The following ITGBL1 variants were observed in gnomAD, a reference collection of about 807,000 sequenced individuals.
ITGBL1 encodes the protein integrin subunit beta like 1, also known as integrin beta-like protein 1.
A neutral mutation model predicts 68.5 loss-of-function variants in ITGBL1; 51 were observed. The ratio of observed to expected loss-of-function variants is 0.74; its 90% CI spans 0.59 to 0.94. The LOEUF is 0.94. Ranked by LOEUF, ITGBL1 falls within the 40% of genes least tolerant of loss-of-function variation. ITGBL1 has a pLI of 0.00. For synonymous variants in ITGBL1, 209 were observed against 227.3 expected (o/e 0.92, Z 0.72); for missense variants, 649 against 647.4 (o/e 1.00, Z -0.03).
At chr13:101,543,912 T>A (rs2049763628) in intron 2 of ITGBL1, among the ~76,000 whole-genome samples, 1 of 152,220 alleles carries the variant, frequency 6.6e-6, no homozygotes, top group African/African-American at 2.4e-5. Context: ...ATCGGGTCCT[T>A]TAAGGACTTC....
chr13:101,454,412 C>CGG (rs2048212841), intron 2 of ITGBL1, among the ~76,000 whole-genome samples: 1 of 119,832 alleles, frequency 8.3e-6, no homozygotes, highest in Admixed American at 8.2e-5. Context: ...CCCCCCCCCC[C>CGG]CCCAACTCCT....
At chr13:101,589,222 T>G (rs2050610070) in intron 6 of ITGBL1, among the ~76,000 whole-genome samples, 1 of 152,238 alleles carries the variant, frequency 6.6e-6, no homozygotes, top group African/African-American at 2.4e-5. Flanking sequence ...CTATTTTTAT[T>G]ATGGTAGGCT....
chr13:101,537,926 T>C (rs1174918665), intron 2 of ITGBL1, among the ~76,000 whole-genome samples: 1 of 152,064 alleles, frequency 6.6e-6, no homozygotes, highest in Non-Finnish European at 1.5e-5. Flanking sequence ...CTGTTAATCC[T>C]ATGTCAAACT....
intron 2 of ITGBL1, among the ~76,000 whole-genome samples, chr13:101,501,686 G>T (rs2048945224): frequency 6.6e-6 from 1 of 152,034 alleles, no homozygotes; most frequent in South Asian, 2.1e-4. Flanking sequence ...GATCTGTAAG[G>T]GCTACATGAC....
intron 7 of ITGBL1, among the ~76,000 whole-genome samples, chr13:101,631,028 C>T (rs1448474219): frequency 6.6e-6 from 1 of 152,186 alleles, no homozygotes; most frequent in Non-Finnish European, 1.5e-5. Context: ...GTTGATCACT[C>T]TGTCCTCTTC....
chr13:101,540,679 T>C (rs1238648162), intron 2 of ITGBL1, among the ~76,000 whole-genome samples: 4 of 152,188 alleles, frequency 2.6e-5, no homozygotes, highest in Non-Finnish European at 4.4e-5. Flanking sequence ...ATTCTTCCTG[T>C]CCATGAGCAT....
At chr13:101,627,672 GT>G (rs1219854866) in intron 7 of ITGBL1, among the ~76,000 whole-genome samples, 1 of 152,032 alleles carries the variant, frequency 6.6e-6, no homozygotes, top group Non-Finnish European at 1.5e-5. Flanking sequence ...TGTCACCATA[GT>G]TTTGCATTTT....
At chr13:101,489,974 T>C (rs897933538) in intron 2 of ITGBL1, 3 of 1,509,638 alleles carry the variant, frequency 2.0e-6, no homozygotes, top group African/African-American at 2.8e-5. Flanking sequence ...ATGAACTTAG[T>C]TGCAGTGATG....
chr13:101,552,535 A>G (rs1006891324), intron 2 of ITGBL1, among the ~76,000 whole-genome samples: 2 of 152,170 alleles, frequency 1.3e-5, no homozygotes, highest in African/African-American at 4.8e-5. Flanking sequence ...CTTGCCTTCA[A>G]GTCCTTCTAT....
At chr13:101,494,984 A>G (rs1021797522) in intron 2 of ITGBL1, among the ~76,000 whole-genome samples, 1 of 152,188 alleles carries the variant, frequency 6.6e-6, no homozygotes, top group Admixed American at 6.5e-5. Context: ...ACCAAGAGTG[A>G]TGGGGATTAT....
At chr13:101,715,210 G>A in intron 10 of ITGBL1, 1 of 200,816 alleles carries the variant, frequency 5.0e-6, no homozygotes, top group African/African-American at 2.3e-5. Context: ...TACTTGGCCT[G>A]CCTCATGTTA....
At chr13:101,621,842 G>A (rs543842540) in intron 7 of ITGBL1, among the ~76,000 whole-genome samples, 59 of 152,106 alleles carry the variant, frequency 3.9e-4, no homozygotes, top group Non-Finnish European at 8.1e-4. Context: ...ATAAGGAAAT[G>A]GAAAAGTATG....
At chr13:101,600,047 T>C (rs1423230212) in intron 7 of ITGBL1, among the ~76,000 whole-genome samples, 2 of 152,256 alleles carry the variant, frequency 1.3e-5, no homozygotes, top group Admixed American at 6.5e-5. Context: ...ATTTTCACGA[T>C]ATTGATTCTT....
chr13:101,597,017 C>T (rs1379236000), intron 6 of ITGBL1, among the ~76,000 whole-genome samples: 2 of 152,108 alleles, frequency 1.3e-5, no homozygotes, highest in Non-Finnish European at 2.9e-5. Context: ...TATGTTTACT[C>T]ACACTCATAC....
chr13:101,473,674 G>A (rs1261923103), intron 2 of ITGBL1, among the ~76,000 whole-genome samples: 2 of 152,154 alleles, frequency 1.3e-5, no homozygotes, highest in Non-Finnish European at 2.9e-5. Flanking sequence ...CACCAGCCAG[G>A]GCAGCCAAGG....
intron 6 of ITGBL1, among the ~76,000 whole-genome samples, chr13:101,593,239 A>G (rs1334884831): frequency 8.2e-6 from 1 of 121,786 alleles, no homozygotes; most frequent in Non-Finnish European, 1.8e-5. Context: ...GTTTTATTAT[A>G]GAATTATAAT....
chr13:101,580,615 G>T (rs1193165480), intron 5 of ITGBL1, among the ~76,000 whole-genome samples: 2 of 152,108 alleles, frequency 1.3e-5, no homozygotes, highest in Admixed American at 6.6e-5. Flanking sequence ...ACAGGCCCCA[G>T]TGTGTGATGT....
intron 5 of ITGBL1, among the ~76,000 whole-genome samples, chr13:101,581,472 C>T (rs952696309): frequency 1.3e-5 from 2 of 152,038 alleles, no homozygotes; most frequent in African/African-American, 2.4e-5. Context: ...TATTAAAATT[C>T]ATTTTTATGG....
chr13:101,637,958 TA>T (rs2139423426), intron 7 of ITGBL1, among the ~76,000 whole-genome samples: 1 of 152,314 alleles, frequency 6.6e-6, no homozygotes, highest in South Asian at 2.1e-4. Flanking sequence ...AGTAAACTCT[TA>T]TAAAGTAAAG....
Sources: allele counts gnomAD v4.1 joint callset (sites outside exome capture counted in the v4.1 genomes callset), GRCh38; gene constraint gnomAD v4.1.1; transcripts MANE v1.5; gene names NCBI Gene and HGNC (gene_info 2026-07-23, HGNC 2026-07-21).